The following KIAA0319 variants were observed in gnomAD, a reference collection of about 807,000 sequenced individuals.
KIAA0319 encodes the protein KIAA0319.
Under a neutral mutation model 108.4 loss-of-function variants are expected in KIAA0319, and 83 were observed. That is an observed-to-expected ratio of 0.77 (90% confidence interval 0.64 to 0.92). The LOEUF is 0.92. KIAA0319 is among the 40% of genes least tolerant of loss of function. The pLI is 0.00. For synonymous variants in KIAA0319, 484 were observed against 510.4 expected (o/e 0.95, Z 0.70); for missense variants, 1,195 against 1,322.4 (o/e 0.90, Z 1.49).
chr6:24,581,285 T>A (rs1766501308), intron 6 of KIAA0319, among the ~76,000 whole-genome samples: 1 of 152,172 alleles, frequency 6.6e-6, no homozygotes, highest in South Asian at 2.1e-4. Context: ...GCAGCAGTTC[T>A]CAAATGTGTG....
At chr6:24,547,380 C>T (rs1464754655) in intron 20 of KIAA0319, 37 bp from the exon 21 acceptor site, 18 of 1,571,780 alleles carry the variant, frequency 1.1e-5, no homozygotes, top group East Asian at 2.3e-5. Context: ...GGAGGAACGC[C>T]GTGATTCACT....
At chr6:24,554,677 T>C in intron 18 of KIAA0319, 46 bp from the exon 19 acceptor site, 1 of 1,309,110 alleles carries the variant, frequency 7.6e-7, no homozygotes, top group South Asian at 1.2e-5. Flanking sequence ...AGGCTATTTG[T>C]AGAACAACTT....
chr6:24,619,679 T>G (rs1178941880), intron 1 of KIAA0319, among the ~76,000 whole-genome samples: 1 of 151,858 alleles, frequency 6.6e-6, no homozygotes, highest in African/African-American at 2.4e-5. Context: ...GGGATGAACT[T>G]GAGTAGAAAG....
chr6:24,637,233 T>C (rs1402924015), intron 1 of KIAA0319, among the ~76,000 whole-genome samples: 1 of 152,230 alleles, frequency 6.6e-6, no homozygotes, highest in East Asian at 1.9e-4. Context: ...ACTTTTCCTA[T>C]TGACTTTCTG....
rs758777243 is a variant in KIAA0319, at chr6:24,551,643, C to T, written c.2949-118G>A. 21 of 680,792 alleles carry T rather than the reference C, an allele frequency of 3.1e-5. 1 individual carries two copies. Among genetic ancestry groups the T allele is most frequent in the South Asian group, 2.0e-4 (11 of 55,662 alleles). 42.2% of individuals were successfully genotyped at this position (680,792 alleles called of 1,614,324 possible). ...TTTGCCTTTATGATGTGATAGTTGG[C>T]GTCTTTTATTAAAGAAACATACACA... On this transcript the variant is annotated intron_variant, in intron 19 of 20. Coordinates refer to ENST00000378214, the MANE Select transcript of KIAA0319 (RefSeq NM_014809.4).
intron 1 of KIAA0319, among the ~76,000 whole-genome samples, chr6:24,609,105 T>C (rs1771903218): frequency 6.7e-6 from 1 of 150,034 alleles, no homozygotes. Flanking sequence ...CCGTCTCTAC[T>C]AAAACTACAA....
intron 1 of KIAA0319, among the ~76,000 whole-genome samples, chr6:24,640,599 T>C (rs540607984): frequency 4.2e-4 from 64 of 152,198 alleles, no homozygotes; most frequent in Non-Finnish European, 7.2e-4. Context: ...ATCGAAGATA[T>C]TTTTTAAATT....
chr6:24,626,504 C>T (rs748570951), intron 1 of KIAA0319, among the ~76,000 whole-genome samples: 1 of 152,054 alleles, frequency 6.6e-6, no homozygotes, highest in Non-Finnish European at 1.5e-5. Flanking sequence ...TGCACTCCAG[C>T]CTGGGCAACA....
At chr6:24,644,576 A>G (rs571406905) in intron 1 of KIAA0319, among the ~76,000 whole-genome samples, 3 of 150,892 alleles carry the variant, frequency 2.0e-5, no homozygotes, top group African/African-American at 7.3e-5. Flanking sequence ...TACTGTATTT[A>G]TTTAAAGAGA....
intron 1 of KIAA0319, among the ~76,000 whole-genome samples, chr6:24,609,175 C>A (rs542682278): frequency 7.2e-6 from 1 of 139,006 alleles, no homozygotes; most frequent in Non-Finnish European, 1.5e-5. Flanking sequence ...GGCTGAGGCA[C>A]GAGAATTGCT....
At position 24,566,622 on chromosome 6, in the gene KIAA0319, C is replaced by T. The variant is rs749156433; in HGVS notation, c.2267G>A (p.Arg756Gln). Residue 756 changes from arginine (R) to glutamine (Q), a missense_variant, in exon 14 of 21, where the codon CGG becomes CAG. Arg to Gln is a conservative substitution (Grantham distance 43). Coordinates refer to ENST00000378214, the MANE Select transcript of KIAA0319 (RefSeq NM_014809.4). Reference protein sequence around the residue: ...DQRIVSYLWIRDGQSPAAGDV... With the variant: ...DQRIVSYLWIQDGQSPAAGDV... ...TCCAGCTGCTGGACTCTGGCCATCC[C>T]GGATCCACAGATAGGACACAATTCT... 6 of 1,611,828 alleles carry T rather than the reference C, an allele frequency of 3.7e-6. No individual in the cohort carries two copies. Among genetic ancestry groups the T allele is most frequent in the East Asian group, 2.2e-5 (1 of 44,812 alleles).
intron 4 of KIAA0319, among the ~76,000 whole-genome samples, chr6:24,583,998 G>A (rs1767047067): frequency 6.6e-6 from 1 of 152,146 alleles, no homozygotes; most frequent in South Asian, 2.1e-4. Context: ...CAGGTTTCAT[G>A]CAACTGTGAA....
Position 24,598,411 on chromosome 6 carries a change from C to A in KIAA0319, c.56-1793G>T, listed in dbSNP as rs181056055. On this transcript the variant is annotated intron_variant, in intron 2 of 20. Transcript: ENST00000378214. ...GCTGGAGACCAACTGGAGCCTCCTG[C>A]AGCAGCAGAAGACAGTTTGGATGAA... 246 of 599,892 alleles carry A rather than the reference C, an allele frequency of 4.1e-4. 2 individuals carry two copies. The African/African-American group carries it at 4.1e-3, about 10-fold the overall frequency. The allele number at this position is 599,892 out of a possible 1,614,324, so 37.2% of individuals were successfully genotyped here. A position where few individuals can be genotyped will look rare whatever the true frequency, so the allele number is the denominator to read the frequency against.
chr6:24,584,973 A>G (rs968414226), intron 4 of KIAA0319, among the ~76,000 whole-genome samples: 2 of 152,184 alleles, frequency 1.3e-5, no homozygotes, highest in South Asian at 2.1e-4. Context: ...CTTTCTCTCT[A>G]TGGAAGCTCA....
intron 1 of KIAA0319, among the ~76,000 whole-genome samples, chr6:24,640,008 TA>T (rs1776715888): frequency 6.6e-6 from 1 of 150,448 alleles, no homozygotes; most frequent in Non-Finnish European, 1.5e-5. Flanking sequence ...CATTAAAGTA[TA>T]GTAAGGTCAT....
At chr6:24,576,658 G>A (rs1280931633) in intron 9 of KIAA0319, 62 bp from the exon 10 acceptor site, 10 of 1,322,758 alleles carry the variant, frequency 7.6e-6, no homozygotes, top group South Asian at 1.2e-5. Flanking sequence ...AGTGACTCAC[G>A]CCTGTAATCC....
intron 19 of KIAA0319, among the ~76,000 whole-genome samples, chr6:24,553,294 T>TATATATATATATATATATATATATATAC (rs1554142428): frequency 1.1e-5 from 1 of 91,064 alleles, no homozygotes; most frequent in African/African-American, 4.8e-5. Context: ...TATATATATA[T>TATATATATATATATATATATATATATAC]ACACACACAC....
intron 1 of KIAA0319, 40 bp from the exon 2 acceptor site, chr6:24,601,248 T>G (rs1487764068): frequency 1.3e-5 from 19 of 1,482,476 alleles, no homozygotes; most frequent in Non-Finnish European, 1.7e-5. Flanking sequence ...AAGAAAAGAA[T>G]AGGTAAATGT....
At chr6:24,592,976 A>T (rs1331517440) in intron 3 of KIAA0319, among the ~76,000 whole-genome samples, 1 of 146,568 alleles carries the variant, frequency 6.8e-6, no homozygotes, top group Non-Finnish European at 1.5e-5. Flanking sequence ...TGTCTCAAAA[A>T]ATTAAAATAA....
Sources: allele counts gnomAD v4.1 joint callset (sites outside exome capture counted in the v4.1 genomes callset), GRCh38; gene constraint gnomAD v4.1.1; transcripts MANE v1.5; gene names NCBI Gene and HGNC (gene_info 2026-07-23, HGNC 2026-07-21).